Variants in SLCO4C1 observed in about 807,000 individuals in gnomAD.
The protein encoded by SLCO4C1 is solute carrier organic anion transporter family member 4C1.
SLCO4C1 carries 58 observed loss-of-function variants against 72.1 expected under a neutral mutation model. The observed-to-expected ratio is 0.80, with a 90% CI of 0.65 to 1.00. The LOEUF is 1.00. Among genes scored for constraint, SLCO4C1 ranks in the 50% least tolerant of loss-of-function variants. SLCO4C1 has a pLI of 0.00. For missense variants in SLCO4C1, 898 were observed against 857.9 expected, an observed-to-expected ratio of 1.05 and a Z score of -0.58; for synonymous variants, 297 against 312.5, an observed-to-expected ratio of 0.95 and a Z score of 0.52.
chr5:102,248,723 T>C (rs1748681514), intron 9 of SLCO4C1, among the ~76,000 whole-genome samples: 1 of 152,156 alleles, frequency 6.6e-6, no homozygotes, highest in Non-Finnish European at 1.5e-5. Flanking sequence ...TGTTTTCTTT[T>C]ATACCACAGT....
At chr5:102,244,410 G>A (rs1299096313) in intron 10 of SLCO4C1, among the ~76,000 whole-genome samples, 4 of 151,984 alleles carry the variant, frequency 2.6e-5, no homozygotes, top group African/African-American at 7.3e-5. Flanking sequence ...GCCTCAAAAC[G>A]GAAAATCTAA....
rs148132091 is a variant in SLCO4C1, at chr5:102,287,534, CTTTTT to C, written c.619+3804_619+3808del. ...ATAAAAAGAAGAGGTTTTTTCACTT[CTTTTT>C]TTTTTTTTTTTTTTTTTTGAGATGG... On this transcript the variant is annotated intron_variant, in intron 2 of 12. Transcript: ENST00000310954. Among the ~76,000 whole-genome samples the C allele has an allele frequency of 2.5e-5, 2 of 79,970 alleles. 1 individual carries two copies. Among genetic ancestry groups the C allele is most frequent in the South Asian group, 9.7e-4 (2 of 2,052 alleles). The allele number at this position is 79,970 out of a possible 152,430, so 52.5% of individuals were successfully genotyped here.
At chr5:102,261,367 G>A (rs542358579) in intron 5 of SLCO4C1, among the ~76,000 whole-genome samples, 10 of 152,000 alleles carry the variant, frequency 6.6e-5, no homozygotes, top group South Asian at 2.1e-4. Context: ...AGCGGAGATC[G>A]TGCCACTGCA....
rs3114659 is a variant in SLCO4C1 at position 102,295,888 on chromosome 5, A to G, written c.355+20T>C. 0.69 allele frequency: 1,103,991 copies of G among 1,595,290 alleles called. 382,773 individuals are homozygous for G. Among genetic ancestry groups the G allele is most frequent in the African/African-American group, 0.79 (58,699 of 74,670 alleles). On this transcript the variant is annotated intron_variant, in intron 1 of 12. Transcript: ENST00000310954. ...CTCGCTCTCCACTGGCCCGAGCCTC[A>G]AGCGGGCGCTGGACTTTACCTTGCG...
At chr5:102,283,162 T>G (rs1223368894) in intron 2 of SLCO4C1, among the ~76,000 whole-genome samples, 1 of 151,656 alleles carries the variant, frequency 6.6e-6, no homozygotes, top group African/African-American at 2.4e-5. Context: ...GGTCAGACTT[T>G]GGGGATATGT....
Position 102,291,543 on chromosome 5 carries a change from T to C in SLCO4C1, c.419A>G (p.Lys140Arg), listed in dbSNP as rs1263899477. Residue 140 changes from lysine to arginine, a missense_variant, in exon 2 of 13, where the codon AAG (lysine) becomes AGG (arginine). By Grantham distance (26) the Lys-to-Arg change is conservative (BLOSUM62 2). Transcript: ENST00000310954. ...TGAAATCAGGCCAGTCAGGGAACTC[T>C]TCATTTCATAACGCTTCTCAACAGT... ...ISTVEKRYEM[K>R]SSLTGLISSS... The C allele has an allele frequency of 3.1e-6, 5 of 1,614,088 alleles. No individual in the cohort carries two copies. Among genetic ancestry groups the C allele is most frequent in the Non-Finnish European group, 4.2e-6 (5 of 1,179,954 alleles).
At chr5:102,293,268 C>G (rs1053673540) in intron 1 of SLCO4C1, among the ~76,000 whole-genome samples, 1 of 151,924 alleles carries the variant, frequency 6.6e-6, no homozygotes, top group African/African-American at 2.4e-5. Flanking sequence ...AATCAACTTC[C>G]CTATCACTTG....
In SLCO4C1 at chr5:102,253,784, G is replaced by A. The variant is rs555978253; in HGVS notation, c.1469+3331C>T. Among the ~76,000 whole-genome samples the A allele has an allele frequency of 1.1e-4, 16 of 145,960 alleles. No individual in the cohort carries two copies. The East Asian group carries it at 3.0e-3, about 28-fold the overall frequency. ...CGTGCCACTACACTCCAGCCTGGGC[G>A]ACCAAAGGAGACTCTATCTCAAAAA... is the stretch of plus-strand genomic sequence containing the variant. On this transcript the variant is annotated intron_variant, in intron 8 of 12. Transcript: ENST00000310954.
At chr5:102,252,363 GGAAA>G (rs1336767413) in intron 8 of SLCO4C1, among the ~76,000 whole-genome samples, 1 of 152,152 alleles carries the variant, frequency 6.6e-6, no homozygotes, top group Non-Finnish European at 1.5e-5. Flanking sequence ...GGAGTCTGAA[GGAAA>G]GAGTGATCAA....
Position 102,285,308 on chromosome 5 carries a change from G to T in SLCO4C1, c.619+6035C>A, listed in dbSNP as rs116319528. ...TTTTTTGTTTGTTTGTTTTTGAGAC[G>T]AAGTCTCACACTGTTGCCCAGGCTG... On this transcript the variant is annotated intron_variant, in intron 2 of 12. Transcript: ENST00000310954. Among the ~76,000 whole-genome samples, 2 of 151,102 alleles carry T rather than the reference G, an allele frequency of 1.3e-5. 1 individual carries two copies. Among genetic ancestry groups the T allele is most frequent in the African/African-American group, 4.9e-5 (2 of 40,968 alleles).
intron 6 of SLCO4C1, among the ~76,000 whole-genome samples, chr5:102,259,984 C>A (rs1172875744): frequency 6.6e-6 from 1 of 151,732 alleles, no homozygotes. Flanking sequence ...AAACAAAATG[C>A]TACTATGAAA....
At chr5:102,267,653 A>ACT in intron 3 of SLCO4C1, among the ~76,000 whole-genome samples, 6 of 141,108 alleles carry the variant, frequency 4.3e-5, no homozygotes, top group African/African-American at 1.1e-4. Context: ...CTTTCCTTCT[A>ACT]ATTTTGGGTT....
intron 3 of SLCO4C1, 30 bp downstream of exon 3, chr5:102,270,594 A>T (rs1580257480): frequency 6.5e-7 from 1 of 1,541,024 alleles, no homozygotes; most frequent in East Asian, 2.3e-5. Context: ...AGATAAAGTG[A>T]TACTGAGACA....
chr5:102,280,306 C>A (rs572658899), intron 2 of SLCO4C1, among the ~76,000 whole-genome samples: 61 of 151,452 alleles, frequency 4.0e-4, no homozygotes, highest in African/African-American at 1.3e-3. Context: ...CATATACTGG[C>A]AATGAACATA....
At chr5:102,258,382 C>T (rs1373247002) in intron 6 of SLCO4C1, among the ~76,000 whole-genome samples, 3 of 152,116 alleles carry the variant, frequency 2.0e-5, no homozygotes, top group African/African-American at 7.2e-5. Context: ...TGGAAAAGTT[C>T]CCTTCCCCAG....
intron 2 of SLCO4C1, among the ~76,000 whole-genome samples, chr5:102,279,997 C>A (rs1320684524): frequency 6.2e-5 from 9 of 145,258 alleles, no homozygotes; most frequent in African/African-American, 2.0e-4. Flanking sequence ...AGACTGAAAG[C>A]TTTCTTGCCT....
At chr5:102,288,409 T>C (rs995924291) in intron 2 of SLCO4C1, among the ~76,000 whole-genome samples, 4 of 152,190 alleles carry the variant, frequency 2.6e-5, no homozygotes, top group African/African-American at 9.7e-5. Flanking sequence ...TTCTTTTTCC[T>C]ATAAAACACA....
intron 9 of SLCO4C1, among the ~76,000 whole-genome samples, chr5:102,249,228 C>T (rs551059661): frequency 6.6e-5 from 10 of 151,818 alleles, no homozygotes; most frequent in Admixed American, 2.0e-4. Flanking sequence ...ATACAGTATT[C>T]GCAGGATGCA....
Position 102,273,638 on chromosome 5 carries a change from A to G in SLCO4C1, c.620-2832T>C, listed in dbSNP as rs554822991. On this transcript the variant is annotated intron_variant, in intron 2 of 12. Coordinates refer to ENST00000310954, the MANE Select transcript of SLCO4C1 (RefSeq NM_180991.5). ...AATATAAAGACAAAGAAAAATATTTAAACCTATATTATTTAAACCTATTAA... is the reference window on the plus strand; with the variant it reads ...AATATAAAGACAAAGAAAAATATTTGAACCTATATTATTTAAACCTATTAA... Among the ~76,000 whole-genome samples, 9 of 152,288 alleles carry G rather than the reference A, an allele frequency of 5.9e-5. No homozygotes were observed. In the South Asian group the frequency reaches 8.3e-4, roughly 14 times the overall value.
Sources: allele counts gnomAD v4.1 joint callset (sites outside exome capture counted in the v4.1 genomes callset), GRCh38; gene constraint gnomAD v4.1.1; transcripts MANE v1.5; gene names NCBI Gene and HGNC (gene_info 2026-07-23, HGNC 2026-07-21).